Variants in TCF20 observed in about 807,000 individuals in gnomAD.
The protein encoded by TCF20 is transcription factor 20, also known as SPRE-binding protein.
A neutral mutation model predicts 148.6 loss-of-function variants in TCF20; 3 were observed. That is an observed-to-expected ratio of 0.02 (90% confidence interval 0.01 to 0.05). The LOEUF (loss-of-function observed/expected upper bound fraction) is 0.05, where lower values mean the gene tolerates loss of function less well. TCF20 is among the 10% of genes least tolerant of loss of function. The pLI is 1.00. For synonymous variants in TCF20, 1,049 were observed against 909.5 expected (o/e 1.15, Z -2.76); for missense variants, 2,350 against 2,429.3 (o/e 0.97, Z 0.69).
At chr22:42,300,035 C>T (rs978170453) in intron 1 of TCF20, among the ~76,000 whole-genome samples, 5 of 152,090 alleles carry the variant, frequency 3.3e-5, no homozygotes, top group Non-Finnish European at 7.4e-5. Context: ...AAAGCAGTCA[C>T]GTGCAGCCTG....
intron 1 of TCF20, among the ~76,000 whole-genome samples, chr22:42,267,806 C>T (rs1168764446): frequency 6.6e-6 from 1 of 152,144 alleles, no homozygotes; most frequent in East Asian, 1.9e-4. Flanking sequence ...AGCACTCTGC[C>T]CCTATGCTGG....
chr22:42,335,482 C>T (rs774350975), intron 1 of TCF20, among the ~76,000 whole-genome samples: 1 of 152,202 alleles, frequency 6.6e-6, no homozygotes, highest in Non-Finnish European at 1.5e-5. Flanking sequence ...CCATCCCACC[C>T]CCAATCAGTA....
chr22:42,267,562 G>A (rs955551349), intron 1 of TCF20, among the ~76,000 whole-genome samples: 9 of 152,036 alleles, frequency 5.9e-5, no homozygotes, highest in African/African-American at 9.7e-5. Context: ...TTAGCTGGGC[G>A]TGGTGGTGCG....
intron 1 of TCF20, among the ~76,000 whole-genome samples, chr22:42,278,010 C>T (rs202066155): frequency 6.6e-6 from 1 of 152,216 alleles, no homozygotes; most frequent in African/African-American, 2.4e-5. Flanking sequence ...CATTTCCCTG[C>T]GAAGGAGCAG....
At chr22:42,252,349 A>C (rs1467701417) in intron 1 of TCF20, among the ~76,000 whole-genome samples, 1 of 152,148 alleles carries the variant, frequency 6.6e-6, no homozygotes, top group Non-Finnish European at 1.5e-5. Context: ...AACCCGTCTG[A>C]AACAACTATT....
At chr22:42,229,291 TAACCTGTTTAAACTTAGCACAG>T (rs1269518138) in intron 1 of TCF20, among the ~76,000 whole-genome samples, 2 of 152,156 alleles carry the variant, frequency 1.3e-5, no homozygotes, top group Admixed American at 1.3e-4. Context: ...GAGGGGCACC[TAACCTGTTTAAACTTAGCACAG>T]AATAAAAAAG....
Position 42,209,940 on chromosome 22 carries a change from C to A in TCF20, c.5366G>T (p.Arg1789Leu). 1 of 1,613,964 alleles carries A rather than the reference C, an allele frequency of 6.2e-7. No individual in the cohort carries two copies. Among genetic ancestry groups the A allele is most frequent in the Non-Finnish European group, 8.5e-7 (1 of 1,180,010 alleles). The change falls in exon 2 of 6, where the codon CGC (arginine) becomes CTC (leucine). Residue 1789 changes from arginine (R) to leucine (L), a missense_variant. By Grantham distance (102) the Arg-to-Leu change is moderately radical. Around this residue, in one of 7 missense-constraint regions of TCF20, gnomAD observed 374 missense variants for 398.3 expected, o/e 0.94. Transcript: ENST00000677622. ...SLAAHPRFKRRHRSEDCGGGP... is the reference protein window; with the variant it reads ...SLAAHPRFKRLHRSEDCGGGP... ...TCCACCACAGTCTTCCGAGCGGTGG[C>A]GCCGCTTAAACCTGGGGTGTGCGGC...
intron 1 of TCF20, among the ~76,000 whole-genome samples, chr22:42,327,262 C>A (rs1927891532): frequency 6.6e-6 from 1 of 152,186 alleles, no homozygotes. Context: ...GTAACCCTTC[C>A]TGAAGACATC....
chr22:42,258,289 A>C (rs1925850626), intron 1 of TCF20, among the ~76,000 whole-genome samples: 1 of 150,872 alleles, frequency 6.6e-6, no homozygotes, highest in Admixed American at 6.6e-5. Context: ...TAGGCAGAGG[A>C]TCTTCAGTGC....
At chr22:42,288,896 C>CA (rs1927083436), upstream of TCF20, among the ~76,000 whole-genome samples, 1 of 152,192 alleles carries the variant, frequency 6.6e-6, no homozygotes, top group African/African-American at 2.4e-5. Flanking sequence ...GGGCTGGCTC[C>CA]AAAGACCACA....
At chr22:42,166,329 C>T (rs1294434133) in intron 5 of TCF20, among the ~76,000 whole-genome samples, 6 of 152,312 alleles carry the variant, frequency 3.9e-5, no homozygotes, top group Non-Finnish European at 7.3e-5. Context: ...AAGAGTTGGC[C>T]GGGCGCCGTG....
At chr22:42,308,544 A>C (rs1353278949) in intron 1 of TCF20, among the ~76,000 whole-genome samples, 1 of 152,118 alleles carries the variant, frequency 6.6e-6, no homozygotes, top group Non-Finnish European at 1.5e-5. Context: ...GAAGCCACGA[A>C]TCCAACCCCA....
At position 42,211,537 on chromosome 22, in the gene TCF20, C is replaced by T; in HGVS notation, c.3769G>A (p.Val1257Ile). 1 of 1,614,190 alleles carries T rather than the reference C, an allele frequency of 6.2e-7. No homozygotes were observed. Among genetic ancestry groups the T allele is most frequent in the Admixed American group, 1.7e-5 (1 of 60,028 alleles). ...GGAATGGGAGAGATAAAAGAACGAACACGCCTCCTCATGATTAAGGGGTTT... is the reference window on the plus strand; with the variant it reads ...GGAATGGGAGAGATAAAAGAACGAATACGCCTCCTCATGATTAAGGGGTTT... The part of the protein sequence containing the change: ...SQNPLIMRRR[V>I]RSFISPIPSK... Residue 1257 changes from valine to isoleucine, a missense_variant, in exon 2 of 6, where the codon GTT becomes ATT. Around this residue, in one of 7 missense-constraint regions of TCF20, gnomAD observed 1,641 missense variants for 1,662.6 expected, o/e 0.99. Coordinates refer to ENST00000677622, the MANE Select transcript of TCF20 (RefSeq NM_001378418.1).
intron 2 of TCF20, among the ~76,000 whole-genome samples, chr22:42,204,600 T>A (rs1181437776): frequency 2.0e-5 from 3 of 152,158 alleles, no homozygotes; most frequent in African/African-American, 7.2e-5. Flanking sequence ...ATCCCAGCAC[T>A]TTGGGTGGCT....
chr22:42,275,608 CCCTTA>C (rs1926761537), upstream of TCF20, among the ~76,000 whole-genome samples: 1 of 152,172 alleles, frequency 6.6e-6, no homozygotes, highest in African/African-American at 2.4e-5. Flanking sequence ...GGAGTCGGCG[CCCTTA>C]CCTGAGTGAT....
At chr22:42,261,768 C>T (rs541012516) in intron 1 of TCF20, among the ~76,000 whole-genome samples, 1 of 152,252 alleles carries the variant, frequency 6.6e-6, no homozygotes, top group South Asian at 2.1e-4. Context: ...CCGAGGTGGG[C>T]AGATCACGAG....
intron 1 of TCF20, among the ~76,000 whole-genome samples, chr22:42,256,225 A>G (rs560242640): frequency 2.6e-5 from 4 of 152,336 alleles, no homozygotes; most frequent in African/African-American, 9.6e-5. Flanking sequence ...TACGTTTGAT[A>G]AATGTTAATT....
chr22:42,234,987 C>G (rs908383353), intron 1 of TCF20, among the ~76,000 whole-genome samples: 1 of 151,816 alleles, frequency 6.6e-6, no homozygotes, highest in East Asian at 1.9e-4. Flanking sequence ...AAAAAAAATA[C>G]AAGAATTAGC....
At chr22:42,271,588 G>C (rs1107554), upstream of TCF20, among the ~76,000 whole-genome samples, 27,440 of 152,182 alleles carry the variant, frequency 0.18, 2,702 homozygotes, top group East Asian at 0.34. Flanking sequence ...AGGATGCGTT[G>C]AGAATTTGTG....
Sources: allele counts gnomAD v4.1 joint callset (sites outside exome capture counted in the v4.1 genomes callset), GRCh38; gene constraint gnomAD v4.1.1; regional missense constraint gnomAD v4.1.1; transcripts MANE v1.5; gene names NCBI Gene and HGNC (gene_info 2026-07-23, HGNC 2026-07-21).